The following DUS2 variants were observed in gnomAD, a reference collection of about 807,000 sequenced individuals.
DUS2 encodes dihydrouridine synthase 2.
DUS2 carries 52 observed loss-of-function variants against 71.3 expected under a neutral mutation model. The ratio of observed to expected loss-of-function variants is 0.73; its 90% CI spans 0.58 to 0.92. The LOEUF (loss-of-function observed/expected upper bound fraction) is 0.92. DUS2 is among the 40% of genes least tolerant of loss of function. The pLI is 0.00. For missense variants in DUS2, 558 were observed against 622.6 expected (o/e 0.90, Z 1.10); for synonymous variants, 204 against 227.8 (o/e 0.90, Z 0.94).
chr16:68,061,805 G>A (rs1359830709), intron 8 of DUS2, among the ~76,000 whole-genome samples: 1 of 152,132 alleles, frequency 6.6e-6, no homozygotes, highest in African/African-American at 2.4e-5. Flanking sequence ...AGGCTAGAGC[G>A]ACTTGGGACT....
chr16:68,072,916 T>A (rs528203103), intron 12 of DUS2, among the ~76,000 whole-genome samples: 1 of 152,274 alleles, frequency 6.6e-6, no homozygotes, highest in East Asian at 1.9e-4. Flanking sequence ...GAGTAACCCA[T>A]GTGAACTAAA....
intron 3 of DUS2, among the ~76,000 whole-genome samples, chr16:68,045,591 A>G (rs2033688333): frequency 1.3e-5 from 2 of 151,558 alleles, no homozygotes; most frequent in South Asian, 2.1e-4. Flanking sequence ...ATCCTGGGCA[A>G]CAAGAGCAAA....
chr16:68,069,507 C>T (rs531531236), intron 10 of DUS2, among the ~76,000 whole-genome samples: 3 of 152,312 alleles, frequency 2.0e-5, no homozygotes, highest in South Asian at 2.1e-4. Flanking sequence ...TCAGGCCTCA[C>T]GTCAGCAGCC....
intron 14 of DUS2, among the ~76,000 whole-genome samples, chr16:68,075,891 G>C: frequency 6.6e-6 from 1 of 152,076 alleles, no homozygotes; most frequent in East Asian, 1.9e-4. Context: ...CCCACACCCA[G>C]TGCCCCTCAC....
rs1243320780 is a variant in DUS2, at chr16:68,075,440, G to C, written c.1018G>C (p.Glu340Gln). The C allele has an allele frequency of 6.2e-7, 1 of 1,613,868 alleles. No individual in the cohort carries two copies. The highest frequency in any genetic ancestry group is 1.3e-5 in the African/African-American group (1 of 74,936). The change falls in exon 14 of 17, where the codon GAG becomes CAG. Residue 340 changes from glutamate to glutamine, a missense_variant. Glu to Gln is a conservative substitution (Grantham distance 29, BLOSUM62 2). Coordinates refer to ENST00000565263, the MANE Select transcript of DUS2 (RefSeq NM_017803.5). ...QQARLSAKTS[E>Q]QTGEPAEDTS... ...GGCCAGGCTCTCAGCCAAGACTTCA[G>C]AGCAGACAGGGGAGCCAGCTGAAGA...
chr16:68,077,927 A>G (rs2034181730), intron 15 of DUS2: 1 of 115,250 alleles, frequency 8.7e-6, no homozygotes, highest in Non-Finnish European at 1.6e-5. Context: ...TGACTTTTCC[A>G]GAACAAATCT....
chr16:68,043,983 C>G (rs1216563502), intron 3 of DUS2, among the ~76,000 whole-genome samples: 2 of 152,096 alleles, frequency 1.3e-5, no homozygotes, highest in African/African-American at 4.8e-5. Context: ...TGTAAAAAAT[C>G]AATTAATCAT....
intron 2 of DUS2, among the ~76,000 whole-genome samples, chr16:68,025,950 G>T (rs1415792069): frequency 2.6e-5 from 4 of 152,162 alleles, no homozygotes. Flanking sequence ...GAGGAAAACA[G>T]CCAAAATCCC....
chr16:68,052,604 T>G (rs1426195962), intron 4 of DUS2, among the ~76,000 whole-genome samples: 1 of 152,104 alleles, frequency 6.6e-6, no homozygotes, highest in African/African-American at 2.4e-5. Context: ...CTGGGAAAAT[T>G]TGGGCCAAAT....
At position 68,047,049 on chromosome 16, in the gene DUS2, C is replaced by CTTT. The variant is rs1305624703; in HGVS notation, c.127-2433_127-2431dup. Among the ~76,000 whole-genome samples the CTTT allele has an allele frequency of 1.9e-3, 139 of 72,196 alleles. 2 individuals are homozygous for CTTT. Among genetic ancestry groups the CTTT allele is most frequent in the African/African-American group, 3.7e-3 (57 of 15,578 alleles). 47.4% of individuals were successfully genotyped at this position (72,196 alleles called of 152,430 possible). A position where few individuals can be genotyped will look rare whatever the true frequency, so the allele number is the denominator to read the frequency against. On this transcript the variant is annotated intron_variant, in intron 3 of 16. Transcript: ENST00000565263. The stretch of plus-strand genomic sequence containing the variant: ...ACAGGCGTGAGCCACCATGCCCGGC[C>CTTT]TTTTTTTTTTTTTTTTTTTTTTTTT...
chr16:68,066,971 G>A (rs925771201), intron 10 of DUS2, among the ~76,000 whole-genome samples: 16 of 151,542 alleles, frequency 1.1e-4, no homozygotes, highest in African/African-American at 3.4e-4. Context: ...CATGCAGCCA[G>A]TACGTGGTGG....
At chr16:68,062,643 C>T (rs973401266) in intron 8 of DUS2, among the ~76,000 whole-genome samples, 1 of 144,482 alleles carries the variant, frequency 6.9e-6, no homozygotes, top group African/African-American at 2.6e-5. Context: ...GGCATAAACC[C>T]GGGAGGCAGA....
rs1161470508 is a variant in DUS2 at position 68,078,465 on chromosome 16, C to T, written c.1191C>T (p.Arg397=). 14 of 1,614,040 alleles carry T rather than the reference C, an allele frequency of 8.7e-6. No homozygotes were observed. Among genetic ancestry groups the T allele is most frequent in the Non-Finnish European group, 1.2e-5 (14 of 1,180,038 alleles). The change falls in exon 16 of 17, where the codon CGC becomes CGT. Residue 397 remains arginine (R), a synonymous_variant. Coordinates refer to ENST00000565263, the MANE Select transcript of DUS2 (RefSeq NM_017803.5). ...VYETVQRPLD[R]LFSSIVTVAE... is the part of the protein sequence containing the mutation. The stretch of plus-strand genomic sequence containing the variant: ...ATCAGGTTCAACGCCCTCTAGATCG[C>T]CTGTTCTCCTCTATTGTCACCGTTG...
intron 3 of DUS2, among the ~76,000 whole-genome samples, chr16:68,040,594 T>A (rs1446742742): frequency 6.6e-6 from 1 of 152,162 alleles, no homozygotes; most frequent in African/African-American, 2.4e-5. Context: ...AGAGTCAGTA[T>A]AACTTACAAA....
chr16:68,031,238 C>T (rs1567468490), intron 2 of DUS2, among the ~76,000 whole-genome samples: 1 of 152,146 alleles, frequency 6.6e-6, no homozygotes, highest in Non-Finnish European at 1.5e-5. Flanking sequence ...CGTGATCTCT[C>T]ACTGCAACCT....
Position 68,078,730 on chromosome 16 carries a change from T to C in DUS2, c.1245-19T>C, listed in dbSNP as rs778780897. The C allele has an allele frequency of 3.1e-6, 5 of 1,595,262 alleles. No homozygotes were observed. Among genetic ancestry groups the C allele is most frequent in the African/African-American group, 1.3e-5 (1 of 74,638 alleles). Reference sequence around the variant, plus strand: ...GCCCTGCACCCTGCCCCTCACCTTATTGCCCTCTGTCTGCTCAGGGACAAG... The same window carrying C: ...GCCCTGCACCCTGCCCCTCACCTTACTGCCCTCTGTCTGCTCAGGGACAAG... On this transcript the variant is annotated intron_variant, in intron 16 of 16. Coordinates refer to ENST00000565263, the MANE Select transcript of DUS2 (RefSeq NM_017803.5).
chr16:68,028,223 T>C (rs2033384361), intron 2 of DUS2, among the ~76,000 whole-genome samples: 1 of 152,142 alleles, frequency 6.6e-6, no homozygotes, highest in Non-Finnish European at 1.5e-5. Flanking sequence ...ATGATGGCAG[T>C]TGTAGAGCTG....
At chr16:68,071,310 A>T (rs891088230) in intron 12 of DUS2, among the ~76,000 whole-genome samples, 1 of 152,186 alleles carries the variant, frequency 6.6e-6, no homozygotes, top group Non-Finnish European at 1.5e-5. Flanking sequence ...GCTGGGGGGC[A>T]TACCCCTACC....
Position 68,079,009 on chromosome 16 carries a change from C to T in DUS2, c.*23C>T, listed in dbSNP as rs372648425. ...TGACTACTCTTCCTGCCTTAGTCAC[C>T]CCTCCATGGGCCTGGTGCTAAGGTG... On this transcript the variant is annotated 3_prime_UTR_variant, in exon 17 of 17. Transcript: ENST00000565263. 2 of 1,525,412 alleles carry T rather than the reference C, an allele frequency of 1.3e-6. No homozygotes were observed. Among genetic ancestry groups the T allele is most frequent in the Non-Finnish European group, 1.8e-6 (2 of 1,131,460 alleles). 94.5% of individuals were successfully genotyped at this position (1,525,412 alleles called of 1,614,324 possible). A position where few individuals can be genotyped will look rare whatever the true frequency, so the allele number is the denominator to read the frequency against.
Sources: allele counts gnomAD v4.1 joint callset (sites outside exome capture counted in the v4.1 genomes callset), GRCh38; gene constraint gnomAD v4.1.1; transcripts MANE v1.5; gene names NCBI Gene and HGNC (gene_info 2026-07-23, HGNC 2026-07-21).